The following CACNA1I variants were observed in gnomAD, a reference collection of about 807,000 sequenced individuals.
CACNA1I encodes the protein calcium voltage-gated channel subunit alpha1 I.
Under a neutral mutation model 201.6 loss-of-function variants are expected in CACNA1I, and 74 were observed. The ratio of observed to expected loss-of-function variants is 0.37; its 90% confidence interval spans 0.30 to 0.45. CACNA1I has a LOEUF of 0.45. Among genes scored for constraint, CACNA1I ranks in the 20% least tolerant of loss-of-function variants. The pLI, the probability that CACNA1I is intolerant of heterozygous loss-of-function variation, is 1.00. For missense variants in CACNA1I, 2,346 were observed against 3,138.1 expected, an observed-to-expected ratio of 0.75 and a Z score of 6.03; for synonymous variants, 1,431 against 1,345.2, an observed-to-expected ratio of 1.06 and a Z score of -1.40.
chr22:39,631,012 T>C (rs1391742402), intron 4 of CACNA1I, among the ~76,000 whole-genome samples: 1 of 152,052 alleles, frequency 6.6e-6, no homozygotes, highest in Non-Finnish European at 1.5e-5. Flanking sequence ...GGGAGGAGTC[T>C]GTGAGCAGGG....
rs1569050889 is a variant in CACNA1I, at chr22:39,591,548, C to CTTCTT, written c.237-6590_237-6586dup. Among the ~76,000 whole-genome samples, 5 of 152,034 alleles carry CTTCTT rather than the reference C, an allele frequency of 3.3e-5. No homozygotes were observed. In the South Asian group the frequency reaches 6.2e-4, roughly 19 times the overall value. Reference sequence around the variant, plus strand: ...TATCACAGGGGCTGTACTAGCATCTCTTCTTTTCTTTTCTTTTTTTTTGTT... The same window carrying CTTCTT: ...TATCACAGGGGCTGTACTAGCATCTCTTCTTTTCTTTTCTTTTCTTTTTTTTTGTT... On this transcript the variant is annotated intron_variant, in intron 1 of 36. Coordinates refer to ENST00000402142, the MANE Select transcript of CACNA1I (RefSeq NM_021096.4).
Position 39,633,545 on chromosome 22 carries a change from G to A in CACNA1I, c.581-1020G>A, listed in dbSNP as rs546218616. Among the ~76,000 whole-genome samples the A allele has an allele frequency of 3.3e-5, 5 of 152,334 alleles. No homozygotes were observed. The East Asian group carries it at 7.7e-4, about 23-fold the overall frequency. On this transcript the variant is annotated intron_variant, in intron 4 of 36. Transcript: ENST00000402142. ...ACAGAAAGAGCTTTCACAGGGCTGC[G>A]GTGGCTGAATAGGGATTTGCCAGGC...
At chr22:39,681,202 C>T in intron 34 of CACNA1I, 150 bp downstream of exon 34, 2 of 895,532 alleles carry the variant, frequency 2.2e-6, no homozygotes, top group African/African-American at 1.7e-5. Context: ...CAGATGAGGG[C>T]AGTAGGGCTC....
rs770599967 is a variant in CACNA1I at position 39,641,059 on chromosome 22, T to G, written c.933T>G (p.Asn311Lys). Residue 311 changes from asparagine to lysine, a missense_variant, in exon 6 of 37, where the codon AAT (asparagine) becomes AAG (lysine). Asn to Lys is a moderately conservative substitution (Grantham distance 94, BLOSUM62 0). Transcript: ENST00000402142. The stretch of plus-strand genomic sequence containing the variant: ...TTGGGGCGGGGCGCCAGGACCTCAA[T>G]GCCAGCGGCCTCTGTGTCAACTGGA... ...YDFGAGRQDL[N>K]ASGLCVNWNR... 3.7e-6 allele frequency: 6 copies of G among 1,613,932 alleles called. No homozygotes were observed. Among genetic ancestry groups the G allele is most frequent in the Non-Finnish European group, 1.7e-6 (2 of 1,179,902 alleles).
chr22:39,634,836 G>T (rs1432749907), intron 5 of CACNA1I, 112 bp downstream of exon 5: 7 of 1,010,728 alleles, frequency 6.9e-6, no homozygotes, highest in Non-Finnish European at 1.0e-5. Flanking sequence ...AGCAAAAAAA[G>T]AGAGGTCAGG....
chr22:39,637,973 G>A (rs965309630), intron 5 of CACNA1I, among the ~76,000 whole-genome samples: 7 of 151,916 alleles, frequency 4.6e-5, no homozygotes, highest in East Asian at 1.9e-4. Flanking sequence ...TCACTCTATC[G>A]CCTAGGCTGG....
At chr22:39,640,749 C>A (rs1014090362) in intron 5 of CACNA1I, 118 bp from the exon 6 acceptor site, 3 of 820,518 alleles carry the variant, frequency 3.7e-6, no homozygotes, top group Non-Finnish European at 1.9e-6. Context: ...CAGCATGTGC[C>A]AAGGCCTGGA....
chr22:39,639,054 T>A (rs1207641088), intron 5 of CACNA1I, among the ~76,000 whole-genome samples: 1 of 152,216 alleles, frequency 6.6e-6, no homozygotes, highest in Non-Finnish European at 1.5e-5. Context: ...ACCTCTTATC[T>A]CCTTTGTATG....
At position 39,646,691 on chromosome 22, in the gene CACNA1I, G is replaced by A. The variant is rs202210968; in HGVS notation, c.1272G>A (p.Thr424=). 4.5e-5 allele frequency: 71 copies of A among 1,590,330 alleles called. No individual in the cohort carries two copies. The highest frequency in any genetic ancestry group is 9.4e-5 in the African/African-American group (7 of 74,510). Residue 424 remains threonine (T), a synonymous_variant, in exon 8 of 37, where the codon ACG becomes ACA. Coordinates refer to ENST00000402142, the MANE Select transcript of CACNA1I (RefSeq NM_021096.4). ...EQRQRYLSSS[T]VASYAEPGDC... ...GGCAGCGCTACCTGTCCTCCAGCACGGTGGCCAGCTACGCCGAGCCTGGCG... is the reference window on the plus strand; with the variant it reads ...GGCAGCGCTACCTGTCCTCCAGCACAGTGGCCAGCTACGCCGAGCCTGGCG...
chr22:39,661,434 C>T, intron 16 of CACNA1I, 124 bp downstream of exon 16: 1 of 743,734 alleles, frequency 1.3e-6, no homozygotes, highest in Non-Finnish European at 2.1e-6. Flanking sequence ...CAGGCAGGGG[C>T]CATGTCTGTT....
chr22:39,598,271 GCCGCC>G lies in CACNA1I; in HGVS notation c.348+26_348+30del, dbSNP rs759418655. On this transcript the variant is annotated intron_variant, in intron 2 of 36. Transcript: ENST00000402142. Reference sequence around the variant, plus strand: ...GCTGCAAGATCCTGCAGGTGAGCCGGCCGCCCCGCCCCGCCCCGCCCTGCCCTCAT... The same window carrying G: ...GCTGCAAGATCCTGCAGGTGAGCCGGCCGCCCCGCCCCGCCCTGCCCTCAT... The G allele has an allele frequency of 1.9e-5, 26 of 1,405,212 alleles. No individual in the cohort carries two copies. Among genetic ancestry groups the G allele is most frequent in the Non-Finnish European group, 2.1e-5 (22 of 1,051,048 alleles). 87.0% of individuals were successfully genotyped at this position (1,405,212 alleles called of 1,614,324 possible).
In CACNA1I at chr22:39,679,164, G is replaced by C. The variant is rs762725114; in HGVS notation, c.5113G>C (p.Val1705Leu). Residue 1705 changes from valine to leucine, a missense_variant, in exon 32 of 37, where the codon GTG (valine) becomes CTG (leucine). Around this residue, in one of 13 missense-constraint regions of CACNA1I, gnomAD observed 64 missense variants for 131.8 expected, o/e 0.49. Transcript: ENST00000402142. Reference protein sequence around the residue: ...ERSCLSSLQFVSPLYFVSFVL... With the variant: ...ERSCLSSLQFLSPLYFVSFVL... ...CAGCTGCCTGAGCAGCCTGCAGTTT[G>C]TGTCGCCGCTGTACTTCGTGAGCTT... The C allele has an allele frequency of 1.3e-6, 2 of 1,592,804 alleles. No homozygotes were observed. The highest frequency in any genetic ancestry group is 8.5e-7 in the Non-Finnish European group (1 of 1,170,882).
chr22:39,612,244 GA>G (rs1221756866), intron 3 of CACNA1I, among the ~76,000 whole-genome samples: 1 of 152,212 alleles, frequency 6.6e-6, no homozygotes, highest in Non-Finnish European at 1.5e-5. Context: ...GACACAGCAA[GA>G]AAGTCCTCGC....
chr22:39,625,232 C>T (rs746383624), intron 4 of CACNA1I, among the ~76,000 whole-genome samples: 3 of 152,120 alleles, frequency 2.0e-5, no homozygotes, highest in Non-Finnish European at 4.4e-5. Context: ...AACAGTAGCC[C>T]GTAGCTTTTA....
At chr22:39,650,006 C>A in intron 10 of CACNA1I, 81 bp downstream of exon 10, 2 of 1,452,950 alleles carry the variant, frequency 1.4e-6, no homozygotes, top group South Asian at 2.3e-5. Flanking sequence ...GCAGCCCCAT[C>A]CATCTGCCTG....
rs1360125534 is a variant in CACNA1I, at chr22:39,676,882, TAGCCACTCAAGGCG to T, written c.4855-458_4855-445del. 4.6e-5 allele frequency among the ~76,000 whole-genome samples: 7 copies of T among 152,206 alleles called. No individual in the cohort carries two copies. Among genetic ancestry groups the T allele is most frequent in the Admixed American group, 4.6e-4 (7 of 15,284 alleles). The stretch of plus-strand genomic sequence containing the variant: ...CGTTCATCCATCCATTCAACCTTGG[TAGCCACTCAAGGCG>T]TGTAGCATAGATTGTGTGCATGGAC... On this transcript the variant is annotated intron_variant, in intron 29 of 36. Coordinates refer to ENST00000402142, the MANE Select transcript of CACNA1I (RefSeq NM_021096.4). The surrounding 1 kb of genome is among the most constrained non-coding windows in gnomAD (Gnocchi z 4.8).
chr22:39,585,229 T>G (rs2145809740), intron 1 of CACNA1I, among the ~76,000 whole-genome samples: 1 of 151,592 alleles, frequency 6.6e-6, no homozygotes, highest in South Asian at 2.1e-4. Context: ...CCGGATAATT[T>G]TTTTTTGCAT....
chr22:39,592,854 C>G (rs1052057873), intron 1 of CACNA1I, among the ~76,000 whole-genome samples: 54 of 152,334 alleles, frequency 3.5e-4, no homozygotes, highest in African/African-American at 1.3e-3. Flanking sequence ...GAGACCTTGA[C>G]TCCCCCCGCC....
rs136852 is a variant in CACNA1I at position 39,661,268 on chromosome 22, T to C, written c.2859T>C (p.Ser953=). 0.56 allele frequency: 903,920 copies of C among 1,606,036 alleles called. 264,221 individuals are homozygous for C. Among genetic ancestry groups the C allele is most frequent in the East Asian group, 0.99 (44,499 of 44,770 alleles). ...TGGCCCTGGGCTCCCGAAAGAGCAG[T>C]GTCATGTCTCTAGGGAGGATGAGCT... The part of the protein sequence containing the change: ...MLVALGSRKS[S]VMSLGRMSYD... The change falls in exon 16 of 37, where the codon AGT becomes AGC. Residue 953 remains serine, a synonymous_variant. Transcript: ENST00000402142.
Sources: allele counts gnomAD v4.1 joint callset (sites outside exome capture counted in the v4.1 genomes callset), GRCh38; gene constraint gnomAD v4.1.1; regional missense constraint gnomAD v4.1.1; non-coding constraint Gnocchi (gnomAD v3.1); transcripts MANE v1.5; gene names NCBI Gene and HGNC (gene_info 2026-07-23, HGNC 2026-07-21).